Variants in SNX4 observed in about 807,000 individuals in gnomAD.
The protein encoded by SNX4 is sorting nexin-4.
In SNX4, 49 loss-of-function variants were observed where a neutral mutation model predicts 70.8. That is an observed-to-expected ratio of 0.69 (90% confidence interval 0.55 to 0.88). The LOEUF is 0.88. Ranked by LOEUF, SNX4 falls within the 40% of genes least tolerant of loss-of-function variation. The pLI, the probability that SNX4 is intolerant of heterozygous loss-of-function variation, is 0.00. For missense variants in SNX4, 528 were observed against 544.8 expected (o/e 0.97, Z 0.31); for synonymous variants, 206 against 183.8 (o/e 1.12, Z -0.98).
intron 8 of SNX4, among the ~76,000 whole-genome samples, chr3:125,471,365 A>AAAAAAAAAAAAAAAAAAAAAT (rs1934169412): frequency 6.7e-6 from 1 of 148,672 alleles, no homozygotes; most frequent in Non-Finnish European, 1.5e-5. Flanking sequence ...AAAAAAAAAA[A>AAAAAAAAAAAAAAAAAAAAAT]AAAAAAGCTT....
Position 125,469,785 on chromosome 3 carries a change from CAGTT to C in SNX4, c.789-270_789-267del, listed in dbSNP as rs562213972. ...AGCTTCTGGTTATAGATTACATTCT[CAGTT>C]AGGCGGCTGATTTAAATCATTTGTA... On this transcript the variant is annotated intron_variant, in intron 8 of 13. Transcript: ENST00000251775. 2.1e-4 allele frequency among the ~76,000 whole-genome samples: 32 copies of C among 152,212 alleles called. No individual in the cohort carries two copies. The South Asian group carries it at 4.8e-3, about 23-fold the overall frequency.
At chr3:125,511,972 G>A (rs1243619788) in intron 1 of SNX4, among the ~76,000 whole-genome samples, 6 of 152,026 alleles carry the variant, frequency 3.9e-5, no homozygotes. Flanking sequence ...AGGTAAAAAT[G>A]CTAAAAGAAG....
intron 8 of SNX4, 80 bp from the exon 9 acceptor site, chr3:125,469,599 T>C: frequency 1.0e-6 from 1 of 976,182 alleles, no homozygotes; most frequent in South Asian, 1.4e-5. Flanking sequence ...TTCAAGATTC[T>C]TGTCTAGCTA....
At chr3:125,495,275 T>TATATAC in intron 5 of SNX4, among the ~76,000 whole-genome samples, 1,442 of 83,048 alleles carry the variant, frequency 0.017, 99 homozygotes, top group South Asian at 0.032. Context: ...TATATATATA[T>TATATAC]ATACACATAC....
chr3:125,460,786 TA>T lies in SNX4; in HGVS notation c.928del (p.Tyr310MetfsTer26). 1 of 1,551,562 alleles carries T rather than the reference TA, an allele frequency of 6.4e-7. No homozygotes were observed. Among genetic ancestry groups the T allele is most frequent in the Non-Finnish European group, 8.7e-7 (1 of 1,144,886 alleles). Reference protein sequence around the residue: ...YADQLKEYLFYAEALRAVCRK... With the variant: ...YADQLKEYLFXAEALRAVCRK... ...TTAAACTTACCGCAATGCTTCTGCATAAAAAAGATACTCTTTTAACTGATCT... is the reference window on the plus strand; with the variant it reads ...TTAAACTTACCGCAATGCTTCTGCATAAAAAGATACTCTTTTAACTGATCT... On this transcript the variant is annotated frameshift_variant, in exon 10 of 14. Transcript: ENST00000251775. LOFTEE classifies it high-confidence loss of function.
At chr3:125,511,327 ATAT>A (rs1464998346) in intron 1 of SNX4, among the ~76,000 whole-genome samples, 1 of 152,156 alleles carries the variant, frequency 6.6e-6, no homozygotes, top group Non-Finnish European at 1.5e-5. Flanking sequence ...CAAAAGTCAA[ATAT>A]TATACATATG....
At position 125,476,631 on chromosome 3, in the gene SNX4, A is replaced by G. The variant is rs1453374083; in HGVS notation, c.788+64T>C. 1.0e-5 allele frequency: 10 copies of G among 968,422 alleles called. No homozygotes were observed. The Admixed American group carries it at 1.6e-4, about 15-fold the overall frequency. 60.0% of individuals were successfully genotyped at this position (968,422 alleles called of 1,614,324 possible). A position where few individuals can be genotyped will look rare whatever the true frequency, so the allele number is the denominator to read the frequency against. ...TCTCCACACTCATAAATGTTCAAGAATTATTGTTTTCAGGCAAAAAGGTAA... is the reference window on the plus strand; with the variant it reads ...TCTCCACACTCATAAATGTTCAAGAGTTATTGTTTTCAGGCAAAAAGGTAA... On this transcript the variant is annotated intron_variant, in intron 8 of 13. Transcript: ENST00000251775.
rs190056104 is a variant in SNX4, at chr3:125,462,329, A to G, written c.855-1469T>C. On this transcript the variant is annotated intron_variant, in intron 9 of 13. Transcript: ENST00000251775. ...TAGTGACAAGAGAAAACTCGGTACTAAAGCCAGGGCAGATGGAAAAGCTGT... is the reference window on the plus strand; with the variant it reads ...TAGTGACAAGAGAAAACTCGGTACTGAAGCCAGGGCAGATGGAAAAGCTGT... 2.3e-4 allele frequency among the ~76,000 whole-genome samples: 35 copies of G among 152,160 alleles called. 1 individual carries two copies. The highest frequency in any genetic ancestry group is 4.4e-4 in the Non-Finnish European group (30 of 68,022).
At chr3:125,519,430 TGAG>T (rs773412006) in intron 1 of SNX4, among the ~76,000 whole-genome samples, 3 of 152,090 alleles carry the variant, frequency 2.0e-5, no homozygotes, top group Non-Finnish European at 4.4e-5. Flanking sequence ...TACAGCCAAA[TGAG>T]GAGTCTAAAA....
At chr3:125,492,097 G>C (rs1470072755) in intron 5 of SNX4, among the ~76,000 whole-genome samples, 1 of 82,058 alleles carries the variant, frequency 1.2e-5, no homozygotes, top group Non-Finnish European at 2.1e-5. Context: ...GACAGAGAAA[G>C]ACTCCATCTC....
chr3:125,458,315 G>A (rs1933778175), intron 10 of SNX4, among the ~76,000 whole-genome samples: 1 of 151,778 alleles, frequency 6.6e-6, no homozygotes, highest in African/African-American at 2.4e-5. Flanking sequence ...TGGGACTAAG[G>A]CATGTGCCAC....
chr3:125,457,667 T>A (rs1933759916), intron 10 of SNX4, among the ~76,000 whole-genome samples: 1 of 141,374 alleles, frequency 7.1e-6, no homozygotes, highest in Non-Finnish European at 1.5e-5. Flanking sequence ...AACCTCCGCC[T>A]CCCGGGTTCA....
chr3:125,514,448 G>C (rs1935233120), intron 1 of SNX4, among the ~76,000 whole-genome samples: 1 of 149,178 alleles, frequency 6.7e-6, no homozygotes, highest in African/African-American at 2.5e-5. Context: ...GTGGAGTGCA[G>C]TGGCATGATC....
At chr3:125,503,196 C>A (rs906313906) in intron 2 of SNX4, among the ~76,000 whole-genome samples, 1 of 152,160 alleles carries the variant, frequency 6.6e-6, no homozygotes, top group Non-Finnish European at 1.5e-5. Flanking sequence ...CATGAGCCAC[C>A]ACGCCCAGCT....
chr3:125,474,167 G>A (rs1934239607), intron 8 of SNX4, among the ~76,000 whole-genome samples: 1 of 152,070 alleles, frequency 6.6e-6, no homozygotes, highest in South Asian at 2.1e-4. Flanking sequence ...TATGCTGAAT[G>A]ACTGAAAAAA....
intron 2 of SNX4, among the ~76,000 whole-genome samples, chr3:125,502,379 C>CTT (rs1934947822): frequency 6.7e-6 from 1 of 149,938 alleles, no homozygotes; most frequent in Non-Finnish European, 1.5e-5. Context: ...TCTTTTCTCT[C>CTT]TTTTTCTTTC....
intron 5 of SNX4, among the ~76,000 whole-genome samples, chr3:125,497,081 A>T (rs867878280): frequency 0.012 from 1,660 of 143,844 alleles, 39 homozygotes; most frequent in African/African-American, 0.041. Flanking sequence ...ACACTAACTA[A>T]AAAAAAAAAA....
chr3:125,487,305 A>G (rs1238771242), intron 6 of SNX4, among the ~76,000 whole-genome samples: 1 of 152,230 alleles, frequency 6.6e-6, no homozygotes, highest in East Asian at 1.9e-4. Flanking sequence ...TAGCAAGAAC[A>G]TAAGGGCAAA....
chr3:125,518,079 GT>G (rs1488611250), intron 1 of SNX4, among the ~76,000 whole-genome samples: 2 of 152,168 alleles, frequency 1.3e-5, no homozygotes, highest in African/African-American at 4.8e-5. Context: ...TATACATAGT[GT>G]TCTTTCAATT....
Sources: gnomAD v4.1 joint callset for allele counts (sites outside exome capture counted in the v4.1 genomes callset) on GRCh38, gnomAD v4.1.1 for gene constraint, MANE v1.5 for transcripts, NCBI Gene and HGNC (gene_info 2026-07-23, HGNC 2026-07-21) for gene names.